DOP1B: variants seen among roughly 807,000 people sequenced by gnomAD.
DOP1B encodes protein DOP1B.
Under a neutral mutation model 233.5 loss-of-function variants are expected in DOP1B, and 174 were observed. The observed-to-expected ratio is 0.75, with a 90% CI of 0.66 to 0.85. DOP1B has a LOEUF of 0.85. Ranked by LOEUF, DOP1B falls within the 40% of genes least tolerant of loss-of-function variation. The pLI is 0.00. For synonymous variants in DOP1B, 1,190 were observed against 1,185.6 expected, an observed-to-expected ratio of 1.00 and a Z score of -0.08; for missense variants, 2,652 against 2,846.6, an observed-to-expected ratio of 0.93 and a Z score of 1.56.
chr21:36,169,303 A>G (rs2065947909), intron 2 of DOP1B: 2 of 787,338 alleles, frequency 2.5e-6, no homozygotes, highest in East Asian at 2.5e-5. Context: ...TGCTGTCCTC[A>G]GTAAGGTAGC....
At chr21:36,157,965 A>C (rs2065834686) in intron 1 of DOP1B, among the ~76,000 whole-genome samples, 1 of 151,416 alleles carries the variant, frequency 6.6e-6, no homozygotes, top group African/African-American at 2.4e-5. Flanking sequence ...CTAAATTATT[A>C]TTATTATTAT....
Position 36,251,223 on chromosome 21 carries a change from T to A in DOP1B, c.5060T>A (p.Leu1687Ter). 1 of 1,614,046 alleles carries A rather than the reference T, an allele frequency of 6.2e-7. No individual in the cohort carries two copies. The highest frequency in any genetic ancestry group is 8.5e-7 in the Non-Finnish European group (1 of 1,180,000). Residue 1687 changes from leucine to a stop codon, truncating the protein, a stop_gained, in exon 22 of 37, where the codon TTG becomes TAG. Transcript: ENST00000691173. LOFTEE classifies it high-confidence loss of function. ...NPLTAHLGVQ[L>*]TAAVAAVWSR... ...TTGACGGCCCATCTTGGGGTTCAGT[T>A]GACAGCGGCTGTTGCGGCAGTGTGG...
At chr21:36,248,091 T>G (rs1353960437) in intron 20 of DOP1B, among the ~76,000 whole-genome samples, 1 of 152,242 alleles carries the variant, frequency 6.6e-6, no homozygotes, top group African/African-American at 2.4e-5. Context: ...TGTTGGTTAT[T>G]CTACCCTGTA....
chr21:36,193,748 C>T (rs2066259151), intron 2 of DOP1B, among the ~76,000 whole-genome samples: 2 of 152,210 alleles, frequency 1.3e-5, no homozygotes, highest in Admixed American at 6.5e-5. Flanking sequence ...TTGCGGGGAG[C>T]CCGAGTGGGA....
rs1568996068 is a variant in DOP1B at position 36,167,929 on chromosome 21, C to CTTTTTTTTTTTTTTTTTTTTTTTTT, written c.138+3062_138+3063insTTTTTTTTTTTTTTTTTTTTTTTTT. ...GGTAAGTCACATTTTCTTTTCTTTTCTTTTCTTTTTCTTTTTTTTTTTTTT... is the reference window on the plus strand; with the variant it reads ...GGTAAGTCACATTTTCTTTTCTTTTCTTTTTTTTTTTTTTTTTTTTTTTTTTTTTCTTTTTCTTTTTTTTTTTTTT... On this transcript the variant is annotated intron_variant, in intron 2 of 36. Coordinates refer to ENST00000691173, the MANE Select transcript of DOP1B (RefSeq NM_001320714.2). Among the ~76,000 whole-genome samples, 4 of 97,314 alleles carry CTTTTTTTTTTTTTTTTTTTTTTTTT rather than the reference C, an allele frequency of 4.1e-5. 2 individuals carry two copies. The highest frequency in any genetic ancestry group is 2.6e-4 in the Admixed American group (2 of 7,724). The allele number at this position is 97,314 out of a possible 152,430, so 63.8% of individuals were successfully genotyped here.
At chr21:36,168,840 A>G (rs2065941549) in intron 2 of DOP1B, 1 of 336,258 alleles carries the variant, frequency 3.0e-6, no homozygotes, top group African/African-American at 2.2e-5. Flanking sequence ...GCCTATTTTC[A>G]GTTTTTTAAA....
At position 36,227,348 on chromosome 21, in the gene DOP1B, C is replaced by T. The variant is rs377115745; in HGVS notation, c.1474-338C>T. ...GGATCACAAAGTCAGGAGATCGAGA[C>T]CATCCTGGCTAACACGGTGAAACCC... On this transcript the variant is annotated intron_variant, in intron 12 of 36. Transcript: ENST00000691173. Among the ~76,000 whole-genome samples, 194 of 151,916 alleles carry T rather than the reference C, an allele frequency of 1.3e-3. No homozygotes were observed. The South Asian group carries it at 0.02, about 16-fold the overall frequency.
At position 36,238,688 on chromosome 21, in the gene DOP1B, C is replaced by G; in HGVS notation, c.2863C>G (p.Arg955Gly). The change falls in exon 17 of 37, where the codon CGC becomes GGC. Residue 955 changes from arginine (R) to glycine (G), a missense_variant. Arg to Gly is a moderately radical substitution (Grantham distance 125). This residue lies in a region of DOP1B where 2,617 missense variants were observed against 2,794.3 expected (regional missense o/e 0.94). Transcript: ENST00000691173. The stretch of plus-strand genomic sequence containing the variant: ...AGGCAGTCGAGTAACATCTCACAAT[C>G]GCTCCTTTGATAGGTGAGGCGGCCT... ...IQGSRVTSHN[R>G]SFDRSLFVVL... 6.2e-7 allele frequency: 1 copy of G among 1,614,210 alleles called. No homozygotes were observed. The highest frequency in any genetic ancestry group is 8.5e-7 in the Non-Finnish European group (1 of 1,180,014).
Position 36,245,807 on chromosome 21 carries a change from A to C in DOP1B, c.3827A>C (p.Asn1276Thr). 6.2e-7 allele frequency: 1 copy of C among 1,613,644 alleles called. No homozygotes were observed. The highest frequency in any genetic ancestry group is 1.3e-5 in the African/African-American group (1 of 74,914). Residue 1276 changes from asparagine (N) to threonine (T), a missense_variant, in exon 19 of 37, where the codon AAC (asparagine) becomes ACC (threonine). By Grantham distance (65) the Asn-to-Thr change is moderately conservative. This residue lies in a region of DOP1B where 2,617 missense variants were observed against 2,794.3 expected (regional missense o/e 0.94). Coordinates refer to ENST00000691173, the MANE Select transcript of DOP1B (RefSeq NM_001320714.2). The surrounding 1 kb of genome is among the most constrained non-coding windows in gnomAD (Gnocchi z 5.5). Reference protein sequence around the residue: ...SMDTSSTAHLNLISNLLARHQ... With the variant: ...SMDTSSTAHLTLISNLLARHQ... The stretch of plus-strand genomic sequence containing the variant: ...GATACCAGCTCCACCGCGCACCTCA[A>C]CCTCATCTCCAACCTCCTCGCTCGC...
At chr21:36,207,653 G>A (rs1351761866) in intron 4 of DOP1B, among the ~76,000 whole-genome samples, 1 of 152,060 alleles carries the variant, frequency 6.6e-6, no homozygotes, top group Non-Finnish European at 1.5e-5. Context: ...TCACAACCAG[G>A]ATCTGGACAC....
chr21:36,263,235 A>G (rs1172143788), intron 24 of DOP1B, among the ~76,000 whole-genome samples: 1 of 107,510 alleles, frequency 9.3e-6, no homozygotes, highest in Non-Finnish European at 2.0e-5. Context: ...TCTCCGTCTC[A>G]CCAAAAAAAA....
chr21:36,237,127 G>C lies in DOP1B; in HGVS notation c.2623-135G>C, dbSNP rs552533125. 96 of 1,234,946 alleles carry C rather than the reference G, an allele frequency of 7.8e-5. 2 individuals are homozygous for C. The South Asian group carries it at 9.8e-4, about 13-fold the overall frequency. 76.5% of individuals were successfully genotyped at this position (1,234,946 alleles called of 1,614,324 possible). A position where few individuals can be genotyped will look rare whatever the true frequency, so the allele number is the denominator to read the frequency against. ...CTTTATTTGTTGGTGATTTGTCTCTGAGCATGGAGGATTCTCACATGGCAA... is the reference window on the plus strand; with the variant it reads ...CTTTATTTGTTGGTGATTTGTCTCTCAGCATGGAGGATTCTCACATGGCAA... On this transcript the variant is annotated intron_variant, in intron 15 of 36. Transcript: ENST00000691173.
In DOP1B at chr21:36,227,719, C is replaced by T; in HGVS notation, c.1507C>T (p.Pro503Ser). ...CTCTGAGGTGCAAACCCAGTATCTC[C>T]CTCAGGTGCTCGGCTGCCTGGTGCA... ...LYSEVQTQYL[P>S]QVLGCLVQPL... Residue 503 changes from proline (P) to serine (S), a missense_variant, in exon 13 of 37, where the codon CCT becomes TCT. This residue lies in a region of DOP1B where 2,617 missense variants were observed against 2,794.3 expected (regional missense o/e 0.94). Coordinates refer to ENST00000691173, the MANE Select transcript of DOP1B (RefSeq NM_001320714.2). The T allele has an allele frequency of 1.9e-6, 3 of 1,598,958 alleles. No homozygotes were observed. Among genetic ancestry groups the T allele is most frequent in the Non-Finnish European group, 1.7e-6 (2 of 1,170,012 alleles).
chr21:36,219,370 AG>A lies in DOP1B; in HGVS notation c.1131del. On this transcript the variant is annotated splice_acceptor_variant, in intron 9 of 36. Transcript: ENST00000691173. LOFTEE classifies it high-confidence loss of function. ...CTCTGACCATCTTCCTTCTAATTAC[AG>A]GGCCTCAAGTGGTTGGGAATTTGTT... 11 of 1,614,132 alleles carry A rather than the reference AG, an allele frequency of 6.8e-6. No homozygotes were observed. Among genetic ancestry groups the A allele is most frequent in the Non-Finnish European group, 9.3e-6 (11 of 1,180,002 alleles).
intron 5 of DOP1B, among the ~76,000 whole-genome samples, chr21:36,210,986 G>C (rs1242596210): frequency 6.6e-6 from 1 of 152,188 alleles, no homozygotes; most frequent in Non-Finnish European, 1.5e-5. Flanking sequence ...GCTCCCGGCT[G>C]TTCCCTTCTG....
At chr21:36,251,421 A>C (rs1208572700) in intron 22 of DOP1B, 137 bp downstream of exon 22, 2 of 1,291,544 alleles carry the variant, frequency 1.5e-6, no homozygotes, top group Non-Finnish European at 2.0e-6. Context: ...ATCTTATTTT[A>C]TTTCTTTATC....
chr21:36,208,659 A>G (rs899425563), intron 4 of DOP1B, 56 bp from the exon 5 acceptor site: 5 of 1,563,638 alleles, frequency 3.2e-6, no homozygotes, highest in Non-Finnish European at 4.4e-6. Context: ...AGCAGTGTGC[A>G]GTGGGACTCG....
At chr21:36,180,853 C>G (rs1428817207) in intron 2 of DOP1B, among the ~76,000 whole-genome samples, 1 of 151,782 alleles carries the variant, frequency 6.6e-6, no homozygotes, top group African/African-American at 2.4e-5. Flanking sequence ...TGCATTCCAG[C>G]CTGGGTTGTC....
chr21:36,269,114 G>A (rs9983597), intron 26 of DOP1B, among the ~76,000 whole-genome samples: 35,880 of 152,116 alleles, frequency 0.24, 4,610 homozygotes, highest in Middle Eastern at 0.3. Context: ...TCAGACTTAG[G>A]GCACACACAA....
Sources: gnomAD v4.1 joint callset for allele counts (sites outside exome capture counted in the v4.1 genomes callset) on GRCh38, gnomAD v4.1.1 for gene constraint, gnomAD v4.1.1 regional missense constraint, Gnocchi (gnomAD v3.1) non-coding constraint, MANE v1.5 for transcripts, NCBI Gene and HGNC (gene_info 2026-07-23, HGNC 2026-07-21) for gene names.